RBFOX3: variants seen among roughly 807,000 people sequenced by gnomAD.
RBFOX3 encodes the protein RNA binding fox-1 homolog 3.
A neutral mutation model predicts 48.7 loss-of-function variants in RBFOX3; 17 were observed. The observed-to-expected ratio is 0.35, with a 90% CI of 0.24 to 0.52. RBFOX3 has a LOEUF of 0.52. Ranked by LOEUF, RBFOX3 falls within the 20% of genes least tolerant of loss-of-function variation. The pLI is 0.94. For synonymous variants in RBFOX3, 212 were observed against 209.5 expected (o/e 1.01, Z -0.10); for missense variants, 382 against 497.5 (o/e 0.77, Z 2.21).
At chr17:79,107,709 C>T (rs1031977849) in intron 5 of RBFOX3, among the ~76,000 whole-genome samples, 1 of 152,240 alleles carries the variant, frequency 6.6e-6, no homozygotes, top group African/African-American at 2.4e-5. Context: ...ATTAGCTCAT[C>T]ACGACCTAGG....
In RBFOX3 at chr17:79,390,016, CCG is replaced by C. The variant is rs1239573136; in HGVS notation, c.-174-82194_-174-82193del. 1.3e-4 allele frequency among the ~76,000 whole-genome samples: 17 copies of C among 129,396 alleles called. 1 individual carries two copies. In the East Asian group the frequency reaches 1.6e-3, roughly 12 times the overall value. 84.9% of individuals were successfully genotyped at this position (129,396 alleles called of 152,430 possible). On this transcript the variant is annotated intron_variant, in intron 2 of 14. Transcript: ENST00000693108. This position sits in a 1 kb window ranked among gnomAD's most constrained non-coding sequence, Gnocchi z 4.2. ...CCAGGTCTCCGCAGCCTCCAGGTCT[CCG>C]CAGCCTCCAGGTCTCCGTAGCCTCC...
chr17:79,622,627 G>A, the RBFOX3 span, among the ~76,000 whole-genome samples: 1 of 152,134 alleles, frequency 6.6e-6, no homozygotes, highest in African/African-American at 2.4e-5. Flanking sequence ...TCCCCTCCCT[G>A]TGTCCTCCAC....
intron 2 of RBFOX3, among the ~76,000 whole-genome samples, chr17:79,399,342 C>T (rs2062472040): frequency 6.6e-6 from 1 of 152,228 alleles, no homozygotes; most frequent in Admixed American, 6.5e-5. Context: ...GGTGCGTGCC[C>T]GCACACACAC....
chr17:79,413,569 A>G (rs958291640), intron 2 of RBFOX3, among the ~76,000 whole-genome samples: 14 of 152,260 alleles, frequency 9.2e-5, no homozygotes, highest in African/African-American at 2.7e-4. Context: ...ATCAGGGAGC[A>G]GGTTTCCACC....
intron 1 of RBFOX3, among the ~76,000 whole-genome samples, chr17:79,491,033 A>T (rs1208441231): frequency 1.2e-4 from 11 of 93,304 alleles, no homozygotes; most frequent in African/African-American, 5.0e-4. Flanking sequence ...ATCGGAGAGG[A>T]GAGGGGAGGG....
chr17:79,178,934 G>A (rs987513815), intron 4 of RBFOX3, among the ~76,000 whole-genome samples: 1 of 152,202 alleles, frequency 6.6e-6, no homozygotes, highest in African/African-American at 2.4e-5. Flanking sequence ...TGCTGCCGCG[G>A]GTGCACGAGC....
At chr17:79,461,625 A>G (rs967938460) in intron 2 of RBFOX3, among the ~76,000 whole-genome samples, 4 of 152,226 alleles carry the variant, frequency 2.6e-5, no homozygotes, top group African/African-American at 9.6e-5. Context: ...AGTGGGTTGA[A>G]CAGTGGACGC....
chr17:79,369,952 A>C (rs1326401947), intron 2 of RBFOX3, among the ~76,000 whole-genome samples: 1 of 152,134 alleles, frequency 6.6e-6, no homozygotes, highest in African/African-American at 2.4e-5. Flanking sequence ...ACTGGGCTGC[A>C]GGTGCACATT....
intron 1 of RBFOX3, among the ~76,000 whole-genome samples, chr17:79,597,841 G>A (rs2093606170): frequency 6.6e-6 from 1 of 152,248 alleles, no homozygotes; most frequent in Non-Finnish European, 1.5e-5. Context: ...CCATCCCATG[G>A]GGGAGAAACA....
At chr17:79,648,978 CTTTTTT>C in the RBFOX3 span, among the ~76,000 whole-genome samples, 2 of 133,222 alleles carry the variant, frequency 1.5e-5, no homozygotes, top group Non-Finnish European at 3.1e-5. Context: ...TGAAAAATGT[CTTTTTT>C]TTTTTTTTTT....
At chr17:79,444,179 A>G (rs2149057406) in intron 2 of RBFOX3, among the ~76,000 whole-genome samples, 1 of 152,274 alleles carries the variant, frequency 6.6e-6, no homozygotes, top group South Asian at 2.1e-4. Context: ...AAAGAAGGCC[A>G]AGGAGGGGGC....
chr17:79,122,055 C>A (rs1479257929), intron 4 of RBFOX3, among the ~76,000 whole-genome samples: 6 of 152,006 alleles, frequency 3.9e-5, no homozygotes, highest in African/African-American at 1.5e-4. Flanking sequence ...GAAACACCTG[C>A]CCCCCAGTCC....
chr17:79,610,735 G>C (rs1373984017), intron 1 of RBFOX3, among the ~76,000 whole-genome samples, 91 bp downstream of exon 1: 1 of 152,012 alleles, frequency 6.6e-6, no homozygotes, highest in African/African-American at 2.4e-5. Context: ...GGTCCCATGC[G>C]CCCCTCCGCG....
chr17:79,444,463 G>A (rs1555736904), intron 2 of RBFOX3, among the ~76,000 whole-genome samples: 1 of 152,104 alleles, frequency 6.6e-6, no homozygotes, highest in African/African-American at 2.4e-5. Flanking sequence ...GAAGTCTTGA[G>A]CCAGCCCAAA....
chr17:79,472,633 T>A lies in RBFOX3; in HGVS notation c.-175+9821A>T, dbSNP rs768906290. Among the ~76,000 whole-genome samples, 289 of 152,344 alleles carry A rather than the reference T, an allele frequency of 1.9e-3. 3 individuals carry two copies. The highest frequency in any genetic ancestry group is 4.8e-3 in the Admixed American group (73 of 15,310). On this transcript the variant is annotated intron_variant, in intron 2 of 14. Transcript: ENST00000693108. ...GATCTTAGACTTCTGGCCTCTTGAA[T>A]TTTGAGAAAATTAACCTCTGTTGTG...
intron 1 of RBFOX3, among the ~76,000 whole-genome samples, chr17:79,551,475 ATGGGTGGATGGACGGG>A (rs1374263325): frequency 0.011 from 1,405 of 125,734 alleles, 27 homozygotes; most frequent in African/African-American, 0.034. Context: ...GGATGAAAAG[ATGGGTGGATGGACGGG>A]TGGGTGGATG....
chr17:79,620,173 ATG>A, the RBFOX3 span, among the ~76,000 whole-genome samples: 4,220 of 145,880 alleles, frequency 0.029, 368 homozygotes, highest in East Asian at 0.25. Flanking sequence ...ATGCACACAC[ATG>A]CACACACATG....
chr17:79,530,701 G>A (rs2087608539), intron 1 of RBFOX3, among the ~76,000 whole-genome samples: 1 of 152,168 alleles, frequency 6.6e-6, no homozygotes, highest in Non-Finnish European at 1.5e-5. Context: ...GCCTGCAATA[G>A]GGCTGCAGAA....
intron 1 of RBFOX3, among the ~76,000 whole-genome samples, chr17:79,524,442 C>A (rs1341535190): frequency 6.6e-6 from 1 of 152,244 alleles, no homozygotes; most frequent in East Asian, 1.9e-4. Flanking sequence ...AAAACACCCA[C>A]ACCAAAACAC....
Sources: allele counts gnomAD v4.1 joint callset (sites outside exome capture counted in the v4.1 genomes callset), GRCh38; gene constraint gnomAD v4.1.1; non-coding constraint Gnocchi (gnomAD v3.1); transcripts MANE v1.5; gene names NCBI Gene and HGNC (gene_info 2026-07-23, HGNC 2026-07-21).